IKZF2: variants seen among roughly 807,000 people sequenced by gnomAD.
The protein encoded by IKZF2 is zinc finger protein Helios.
A neutral mutation model predicts 49.2 loss-of-function variants in IKZF2; 15 were observed. The ratio of observed to expected loss-of-function variants is 0.30; its 90% CI spans 0.20 to 0.47. IKZF2 has a LOEUF of 0.47. Ranked by LOEUF, IKZF2 falls within the 20% of genes least tolerant of loss-of-function variation. IKZF2 has a pLI of 1.00. For missense variants in IKZF2, 567 were observed against 664.6 expected (o/e 0.85, Z 1.61); for synonymous variants, 227 against 221.4 (o/e 1.03, Z -0.23).
rs565985372 is a variant in IKZF2 at position 213,078,962 on chromosome 2, T to C, written c.140-21863A>G. ...TGTCAGGTTGATATGACAGTAGTAC[T>C]AGCCCATCATTGTGACGTTAAATCT... is the stretch of plus-strand genomic sequence containing the variant. On this transcript the variant is annotated intron_variant, in intron 4 of 8. Transcript: ENST00000434687. 7.2e-5 allele frequency among the ~76,000 whole-genome samples: 11 copies of C among 152,366 alleles called. No individual in the cohort carries two copies. In the South Asian group the frequency reaches 2.3e-3, roughly 32 times the overall value.
intron 4 of IKZF2, among the ~76,000 whole-genome samples, chr2:213,098,196 T>A (rs1185508056): frequency 6.6e-6 from 1 of 152,090 alleles, no homozygotes; most frequent in Admixed American, 6.6e-5. Context: ...CAGTATTTTT[T>A]AAACATATCC....
intron 4 of IKZF2, among the ~76,000 whole-genome samples, chr2:213,129,034 G>T (rs1325071036): frequency 2.0e-5 from 3 of 151,716 alleles, no homozygotes; most frequent in Non-Finnish European, 4.4e-5. Flanking sequence ...AAAATAGAGG[G>T]TTTAGAATGA....
At chr2:213,063,567 T>C (rs1701897291) in intron 4 of IKZF2, among the ~76,000 whole-genome samples, 1 of 151,936 alleles carries the variant, frequency 6.6e-6, no homozygotes, top group African/African-American at 2.4e-5. Context: ...ATAATAGTAA[T>C]GATAATAATA....
In IKZF2 at chr2:213,031,196, CAT is replaced by C. The variant is rs1443481777; in HGVS notation, c.575-9068_575-9067del. Among the ~76,000 whole-genome samples the C allele has an allele frequency of 2.0e-5, 3 of 152,196 alleles. No individual in the cohort carries two copies. The East Asian group carries it at 5.8e-4, about 29-fold the overall frequency. On this transcript the variant is annotated intron_variant, in intron 6 of 8. Transcript: ENST00000434687. ...GAGCAAAGACATCTAGTTCCTTTAA[CAT>C]AAATTTCTTGAGCACCTCCAGTATT... is the stretch of plus-strand genomic sequence containing the variant.
chr2:213,043,097 C>G (rs778934616), intron 6 of IKZF2, among the ~76,000 whole-genome samples: 2 of 151,912 alleles, frequency 1.3e-5, no homozygotes, highest in Non-Finnish European at 2.9e-5. Context: ...AAAACCAAGA[C>G]ACTACTTGGT....
intron 6 of IKZF2, among the ~76,000 whole-genome samples, chr2:213,031,117 C>T (rs1245319660): frequency 6.6e-6 from 1 of 152,186 alleles, no homozygotes; most frequent in Non-Finnish European, 1.5e-5. Flanking sequence ...TGTGCCACTG[C>T]GCCAGGCTGT....
chr2:213,091,721 G>A (rs543640186), intron 4 of IKZF2, among the ~76,000 whole-genome samples: 24 of 152,214 alleles, frequency 1.6e-4, no homozygotes, highest in Middle Eastern at 6.8e-3. Context: ...ATGCAGAAAA[G>A]ATGTGAAAAT....
At position 213,038,215 on chromosome 2, in the gene IKZF2, C is replaced by T. The variant is rs977846295; in HGVS notation, c.574+11498G>A. Among the ~76,000 whole-genome samples, 6 of 151,996 alleles carry T rather than the reference C, an allele frequency of 3.9e-5. No homozygotes were observed. In the East Asian group the frequency reaches 9.7e-4, roughly 24 times the overall value. On this transcript the variant is annotated intron_variant, in intron 6 of 8. Transcript: ENST00000434687. ...CTGGAACTACAGGGGCCTGCCACCA[C>T]GCCCAGCTAATTTTTTTGTATTTTG... is the stretch of plus-strand genomic sequence containing the variant.
intron 4 of IKZF2, among the ~76,000 whole-genome samples, chr2:213,105,953 A>T (rs2059509895): frequency 1.3e-5 from 2 of 152,352 alleles, no homozygotes; most frequent in Middle Eastern, 3.4e-3. Context: ...CCTAGCTCAG[A>T]TAAAAATAGA....
At chr2:213,046,600 G>A (rs750989046) in intron 6 of IKZF2, among the ~76,000 whole-genome samples, 3 of 152,186 alleles carry the variant, frequency 2.0e-5, no homozygotes, top group Non-Finnish European at 4.4e-5. Context: ...TTGCATGGAA[G>A]AAGAGATAGT....
At chr2:213,060,170 T>C (rs1036463257) in intron 4 of IKZF2, among the ~76,000 whole-genome samples, 5 of 151,358 alleles carry the variant, frequency 3.3e-5, no homozygotes, top group Non-Finnish European at 7.4e-5. Flanking sequence ...TCTTAACTAT[T>C]ACATAGAAAA....
rs1491243894 is a variant in IKZF2, at chr2:213,124,235, T to TGCACTCGCGCGC, written c.139+23472_139+23473insGCGCGCGAGTGC. ...GCATGTCCTTGTGTGCACGCACACATGCGCTCGCGCGCGCGCGCACACACA... is the reference window on the plus strand; with the variant it reads ...GCATGTCCTTGTGTGCACGCACACATGCACTCGCGCGCGCGCTCGCGCGCGCGCGCACACACA... On this transcript the variant is annotated intron_variant, in intron 4 of 8. Transcript: ENST00000434687. 1.9e-3 allele frequency among the ~76,000 whole-genome samples: 223 copies of TGCACTCGCGCGC among 115,084 alleles called. 10 individuals are homozygous for TGCACTCGCGCGC. The highest frequency in any genetic ancestry group is 7.9e-3 in the Admixed American group (90 of 11,354). 75.5% of individuals were successfully genotyped at this position (115,084 alleles called of 152,430 possible). A position where few individuals can be genotyped will look rare whatever the true frequency, so the allele number is the denominator to read the frequency against.
chr2:213,042,313 T>C (rs960755595), intron 6 of IKZF2, among the ~76,000 whole-genome samples: 1 of 152,194 alleles, frequency 6.6e-6, no homozygotes. Flanking sequence ...CAGTGTACAA[T>C]AGGAATAACC....
At chr2:213,061,724 A>C (rs1425765812) in intron 4 of IKZF2, among the ~76,000 whole-genome samples, 1 of 151,508 alleles carries the variant, frequency 6.6e-6, no homozygotes, top group Non-Finnish European at 1.5e-5. Flanking sequence ...ATAATAGTAA[A>C]GGTTTAAAGC....
At chr2:213,135,164 CT>C (rs1229055909) in intron 4 of IKZF2, among the ~76,000 whole-genome samples, 1 of 152,096 alleles carries the variant, frequency 6.6e-6, no homozygotes, top group African/African-American at 2.4e-5. Flanking sequence ...GACTAAGGCT[CT>C]TTTTTAAAAG....
chr2:213,032,076 C>T (rs1407101542), intron 6 of IKZF2, among the ~76,000 whole-genome samples: 1 of 151,972 alleles, frequency 6.6e-6, no homozygotes, highest in Non-Finnish European at 1.5e-5. Flanking sequence ...ATCTAAGACA[C>T]AAGGGAAACA....
At chr2:213,131,717 T>C (rs1201469507) in intron 4 of IKZF2, among the ~76,000 whole-genome samples, 1 of 152,192 alleles carries the variant, frequency 6.6e-6, no homozygotes, top group East Asian at 1.9e-4. Context: ...GAGCCATCGT[T>C]AGAGCATTTA....
intron 4 of IKZF2, among the ~76,000 whole-genome samples, chr2:213,094,054 G>C (rs1705668806): frequency 6.6e-6 from 1 of 152,138 alleles, no homozygotes; most frequent in Admixed American, 6.6e-5. Flanking sequence ...CATGTGAAAA[G>C]GGAAACATAA....
chr2:213,037,770 ATCCACCTCTATCAGCCACC>A, intron 6 of IKZF2, among the ~76,000 whole-genome samples: 1 of 152,244 alleles, frequency 6.6e-6, no homozygotes. Flanking sequence ...TATCAGTATA[ATCCACCTCTATCAGCCACC>A]TCCAGGAAGG....
Sources: allele counts gnomAD v4.1 joint callset (sites outside exome capture counted in the v4.1 genomes callset), GRCh38; gene constraint gnomAD v4.1.1; transcripts MANE v1.5; gene names NCBI Gene and HGNC (gene_info 2026-07-23, HGNC 2026-07-21).